TRPM3: variants seen among roughly 807,000 people sequenced by gnomAD.
TRPM3 encodes the protein transient receptor potential cation channel subfamily M member 3, also known as long transient receptor potential channel 3.
Under a neutral mutation model 181.2 loss-of-function variants are expected in TRPM3, and 77 were observed. The ratio of observed to expected loss-of-function variants is 0.42; its 90% CI spans 0.35 to 0.51. The LOEUF (loss-of-function observed/expected upper bound fraction) is 0.51. Among genes scored for constraint, TRPM3 ranks in the 20% least tolerant of loss-of-function variants. The pLI is 0.01. For missense variants in TRPM3, 1,759 were observed against 2,196.7 expected (o/e 0.80, Z 3.98); for synonymous variants, 745 against 796.4 (o/e 0.94, Z 1.09).
At chr9:70,871,204 T>C (rs536284545) in intron 1 of TRPM3, among the ~76,000 whole-genome samples, 52 of 152,044 alleles carry the variant, frequency 3.4e-4, no homozygotes, top group African/African-American at 1.2e-3. Context: ...ACTGAGCTAG[T>C]AGGCTGTAGT....
intron 6 of TRPM3, among the ~76,000 whole-genome samples, chr9:70,796,755 T>C (rs2087145682): frequency 6.6e-6 from 1 of 152,190 alleles, no homozygotes; most frequent in South Asian, 2.1e-4. Context: ...CTTTTCTCTA[T>C]TAGGTATTTA....
At chr9:71,328,323 C>G (rs558390007) in intron 1 of TRPM3, among the ~76,000 whole-genome samples, 9 of 152,206 alleles carry the variant, frequency 5.9e-5, no homozygotes, top group Admixed American at 2.0e-4. Flanking sequence ...GCCACCACGC[C>G]CGGCTAATTT....
At chr9:70,635,169 G>C in intron 12 of TRPM3, 42 bp downstream of exon 12, 1 of 1,593,150 alleles carries the variant, frequency 6.3e-7, no homozygotes. Context: ...ACAGGAAGCA[G>C]TCAAGACAGG....
intron 1 of TRPM3, among the ~76,000 whole-genome samples, chr9:71,046,322 C>T (rs2059436961): frequency 6.6e-6 from 1 of 152,156 alleles, no homozygotes; most frequent in African/African-American, 2.4e-5. Context: ...TCTTTTATCT[C>T]AGAGCATTCT....
intron 1 of TRPM3, among the ~76,000 whole-genome samples, chr9:70,890,339 A>T (rs968709078): frequency 5.9e-5 from 9 of 152,000 alleles, no homozygotes; most frequent in African/African-American, 2.2e-4. Flanking sequence ...CAAAAAATAT[A>T]TAAGTTAGAG....
At chr9:70,601,869 G>A (rs1474692769) in intron 20 of TRPM3, among the ~76,000 whole-genome samples, 5 of 152,296 alleles carry the variant, frequency 3.3e-5, no homozygotes, top group Middle Eastern at 3.4e-3. Context: ...TGCTTATCAT[G>A]GGGAAGGAAT....
chr9:70,897,476 C>T (rs566628569), intron 1 of TRPM3, among the ~76,000 whole-genome samples: 30 of 151,726 alleles, frequency 2.0e-4, no homozygotes, highest in Admixed American at 1.5e-3. Context: ...ATAAGGGTAG[C>T]GAATATCAGC....
Position 70,864,538 on chromosome 9 carries a change from A to AAAAAG in TRPM3, c.178-28_178-27insCTTTT, listed in dbSNP as rs375135324. ...TGAAAAAGAAAACAAAAAAAAAAAAAAAAGAAAAAAGAAAGAAAGGTGAAC... is the reference window on the plus strand; with the variant it reads ...TGAAAAAGAAAACAAAAAAAAAAAAAAAAAGAAAGAAAAAAGAAAGAAAGGTGAAC... On this transcript the variant is annotated intron_variant, in intron 1 of 25. Transcript: ENST00000677713. 1.9e-3 allele frequency: 2,757 copies of AAAAAG among 1,433,362 alleles called. 8 individuals carry two copies. Among genetic ancestry groups the AAAAAG allele is most frequent in the Non-Finnish European group, 2.3e-3 (2,488 of 1,085,536 alleles). 88.8% of individuals were successfully genotyped at this position (1,433,362 alleles called of 1,614,324 possible). A position where few individuals can be genotyped will look rare whatever the true frequency, so the allele number is the denominator to read the frequency against.
chr9:71,339,565 G>A (rs1438836417), intron 1 of TRPM3, among the ~76,000 whole-genome samples: 2 of 151,914 alleles, frequency 1.3e-5, no homozygotes, highest in South Asian at 2.1e-4. Context: ...TGAACTGCTG[G>A]GTCAAAGACA....
intron 1 of TRPM3, among the ~76,000 whole-genome samples, chr9:71,029,397 G>C (rs1398079206): frequency 6.6e-6 from 1 of 152,160 alleles, no homozygotes; most frequent in Non-Finnish European, 1.5e-5. Flanking sequence ...TATGCTCTGT[G>C]TATGCTTGGA....
At chr9:70,633,054 G>T (rs2066182279) in intron 12 of TRPM3, among the ~76,000 whole-genome samples, 1 of 152,168 alleles carries the variant, frequency 6.6e-6, no homozygotes, top group African/African-American at 2.4e-5. Context: ...ATTGCTGGGA[G>T]GCTGGGTCAT....
intron 8 of TRPM3, among the ~76,000 whole-genome samples, chr9:70,752,566 C>T (rs145383387): frequency 1.0e-3 from 153 of 152,134 alleles, no homozygotes; most frequent in African/African-American, 3.4e-3. Flanking sequence ...CAGTCATAGG[C>T]TGCATAATGA....
chr9:70,657,634 T>A (rs978374976), intron 9 of TRPM3, among the ~76,000 whole-genome samples: 7 of 152,144 alleles, frequency 4.6e-5, no homozygotes, highest in African/African-American at 1.4e-4. Flanking sequence ...ATTAAAAAAT[T>A]TTTTTTAAAT....
At chr9:71,266,472 C>T (rs1019436722) in intron 1 of TRPM3, among the ~76,000 whole-genome samples, 2 of 152,116 alleles carry the variant, frequency 1.3e-5, no homozygotes, top group African/African-American at 4.8e-5. Context: ...ATCCTTTGTC[C>T]AGTAATCCTT....
chr9:70,695,830 G>C (rs2070214523), intron 8 of TRPM3, among the ~76,000 whole-genome samples: 1 of 152,154 alleles, frequency 6.6e-6, no homozygotes, highest in African/African-American at 2.4e-5. Context: ...CGCCGGAGAG[G>C]TTAGATACCA....
At chr9:70,954,285 C>T (rs1362865032) in intron 1 of TRPM3, among the ~76,000 whole-genome samples, 1 of 152,158 alleles carries the variant, frequency 6.6e-6, no homozygotes, top group Non-Finnish European at 1.5e-5. Context: ...AAATATCCTT[C>T]AGCATGTCCC....
intron 1 of TRPM3, among the ~76,000 whole-genome samples, chr9:71,238,997 T>C (rs963569761): frequency 6.6e-6 from 1 of 152,090 alleles, no homozygotes; most frequent in Non-Finnish European, 1.5e-5. Context: ...ATTCCAAAGG[T>C]GCACATGACT....
intron 1 of TRPM3, among the ~76,000 whole-genome samples, chr9:71,070,223 G>A (rs956051987): frequency 7.2e-5 from 11 of 152,188 alleles, no homozygotes; most frequent in Non-Finnish European, 1.0e-4. Context: ...AAACAAAATC[G>A]GAGAAGTCTA....
chr9:71,238,312 C>T lies in TRPM3; in HGVS notation c.183+208341G>A, dbSNP rs144219034. ...CTTCCCTACACATCATTCTCTAACT[C>T]AGGTGAAATTGTAACTCTCTCTGCC... is the stretch of plus-strand genomic sequence containing the variant. On this transcript the variant is annotated intron_variant, in intron 1 of 24. Transcript: ENST00000357533. 2.0e-3 allele frequency among the ~76,000 whole-genome samples: 298 copies of T among 152,194 alleles called. 3 individuals carry two copies. Among genetic ancestry groups the T allele is most frequent in the African/African-American group, 6.6e-3 (275 of 41,530 alleles).
Sources: allele counts gnomAD v4.1 joint callset (sites outside exome capture counted in the v4.1 genomes callset), GRCh38; gene constraint gnomAD v4.1.1; transcripts MANE v1.5; gene names NCBI Gene and HGNC (gene_info 2026-07-23, HGNC 2026-07-21).